MNT: variants seen among roughly 807,000 people sequenced by gnomAD.
MNT encodes MAX network transcriptional repressor.
In MNT, 13 loss-of-function variants were observed where a neutral mutation model predicts 40.7. The observed-to-expected ratio is 0.32, with a 90% CI of 0.21 to 0.51. The LOEUF is 0.51. MNT is among the 20% of genes least tolerant of loss of function. The pLI is 0.98. For synonymous variants in MNT, 426 were observed against 354.8 expected (o/e 1.20, Z -2.26); for missense variants, 757 against 792.0 (o/e 0.96, Z 0.53).
intron 4 of MNT, among the ~76,000 whole-genome samples, chr17:2,392,497 T>C (rs2066526377): frequency 6.6e-6 from 1 of 152,234 alleles, no homozygotes; most frequent in African/African-American, 2.4e-5. Context: ...CCGTCCTTCC[T>C]ATTTCTCAAA....
At chr17:2,394,749 AGTG>A (rs2066560892) in intron 2 of MNT, 123 bp downstream of exon 2, 1 of 671,768 alleles carries the variant, frequency 1.5e-6, no homozygotes, top group Non-Finnish European at 2.6e-6. Context: ...ACATGGGCAC[AGTG>A]ATGACGTGTT....
chr17:2,392,456 AAGT>A (rs2066525522), intron 4 of MNT, among the ~76,000 whole-genome samples: 1 of 152,202 alleles, frequency 6.6e-6, no homozygotes, highest in Admixed American at 6.5e-5. Context: ...CGCCCTCTGC[AAGT>A]AGTATCTGCA....
intron 2 of MNT, 116 bp downstream of exon 2, chr17:2,394,759 T>C (rs2066560970): frequency 1.0e-5 from 7 of 700,826 alleles, no homozygotes; most frequent in Admixed American, 9.7e-5. Flanking sequence ...AGTGATGACG[T>C]GTTCAAATAC....
At chr17:2,395,694 A>T (rs1450279242) in intron 1 of MNT, among the ~76,000 whole-genome samples, 1 of 152,044 alleles carries the variant, frequency 6.6e-6, no homozygotes, top group Non-Finnish European at 1.5e-5. Context: ...ACGGGGGCTG[A>T]CAGTCACGGG....
At chr17:2,394,418 C>T in intron 2 of MNT, 72 bp from the exon 3 acceptor site, 1 of 1,604,388 alleles carries the variant, frequency 6.2e-7, no homozygotes, top group Non-Finnish European at 8.5e-7. Context: ...AGCGCCGCCA[C>T]CCGCAAAATT....
chr17:2,386,656 G>A lies in MNT; in HGVS notation c.*245C>T, dbSNP rs1269922192. 5 of 448,968 alleles carry A rather than the reference G, an allele frequency of 1.1e-5. No individual in the cohort carries two copies. The highest frequency in any genetic ancestry group is 5.4e-5 in the South Asian group (1 of 18,478). The allele number at this position is 448,968 out of a possible 1,614,324, so 27.8% of individuals were successfully genotyped here. On this transcript the variant is annotated 3_prime_UTR_variant, in exon 6 of 6. Transcript: ENST00000174618. ...GCGGCACTGGAGCTGGCACTGGGCC[G>A]GACAGGTGGCACATTCCATCAGAGT...
In MNT at chr17:2,387,292, T is replaced by C. The variant is rs1406716334; in HGVS notation, c.1358A>G (p.Gln453Arg). 1 of 1,613,298 alleles carries C rather than the reference T, an allele frequency of 6.2e-7. No individual in the cohort carries two copies. Among genetic ancestry groups the C allele is most frequent in the East Asian group, 2.2e-5 (1 of 44,870 alleles). ...HTATTHASVIQTVNHVLQGPG... is the reference protein window; with the variant it reads ...HTATTHASVIRTVNHVLQGPG... ...CCCCTGCAGAACGTGGTTCACAGTC[T>C]GGATGACTGAAGCGTGAGTGGTGGC... The change falls in exon 6 of 6, where the codon CAG becomes CGG. Residue 453 changes from glutamine to arginine, a missense_variant. Gln to Arg is a conservative substitution (Grantham distance 43). Transcript: ENST00000174618.
At chr17:2,394,815 C>T in intron 2 of MNT, 60 bp downstream of exon 2, 1 of 1,294,808 alleles carries the variant, frequency 7.7e-7, no homozygotes, top group Non-Finnish European at 1.1e-6. Context: ...TTGCACACAG[C>T]CCGGGGGATG....
Position 2,394,172 on chromosome 17 carries a change from C to A in MNT, c.696-18G>T. The stretch of plus-strand genomic sequence containing the variant: ...GGGCCCTCCTGAAGAGAGGGGCGAG[C>A]GCCGGTCAGCGGTGCCTGGGGCGGG... On this transcript the variant is annotated intron_variant, in intron 3 of 5. Transcript: ENST00000174618. 1 of 1,602,486 alleles carries A rather than the reference C, an allele frequency of 6.2e-7. No homozygotes were observed. Among genetic ancestry groups the A allele is most frequent in the Non-Finnish European group, 8.5e-7 (1 of 1,175,138 alleles).
At position 2,395,356 on chromosome 17, in the gene MNT, G is replaced by T. The variant is rs766943479; in HGVS notation, c.172C>A (p.Pro58Thr). 3 of 1,613,140 alleles carry T rather than the reference G, an allele frequency of 1.9e-6. No individual in the cohort carries two copies. Among genetic ancestry groups the T allele is most frequent in the South Asian group, 1.1e-5 (1 of 91,076 alleles). ...GGCAGGGGTGGCGCCTCCATGCGGG[G>T]TTCCTCCACAGGAAGGGTATGTGCC... is the stretch of plus-strand genomic sequence containing the variant. ...RLAHTLPVEE[P>T]RMEAPPLPLS... is the part of the protein sequence containing the mutation. The change falls in exon 2 of 6, where the codon CCC becomes ACC. Residue 58 changes from proline (P) to threonine (T), a missense_variant. Physicochemically the swap from Pro to Thr is conservative, Grantham distance 38. This residue lies in a region of MNT where 335 missense variants were observed against 291.4 expected (regional missense o/e 1.15). Transcript: ENST00000174618.
In MNT at chr17:2,387,054, C is replaced by T. The variant is rs773895281; in HGVS notation, c.1596G>A (p.Thr532=). 12 of 1,558,156 alleles carry T rather than the reference C, an allele frequency of 7.7e-6. No individual in the cohort carries two copies. The highest frequency in any genetic ancestry group is 3.8e-4 in the Middle Eastern group (2 of 5,196). The change falls in exon 6 of 6, where the codon ACG becomes ACA. Residue 532 remains threonine (T), a synonymous_variant. Coordinates refer to ENST00000174618, the MANE Select transcript of MNT (RefSeq NM_020310.3). Reference sequence around the variant, plus strand: ...CAGTAGCCGGGGGCCCCAGGCCGGCCGTGCCGTTGACTTGCTGGTGCGAGA... The same window carrying T: ...CAGTAGCCGGGGGCCCCAGGCCGGCTGTGCCGTTGACTTGCTGGTGCGAGA... ...HTLSHQQVNG[T]AGLGPPATVM... is the part of the protein sequence containing the mutation.
rs768329579 is a variant in MNT at position 2,395,401 on chromosome 17, CCTT to C, written c.124_126del (p.Lys42del). Reference sequence around the variant, plus strand: ...TGTGCCAGCCTGGCCAGGCTATTGGCCTTCTTCTGTTCCTGCTCTCGCTCCTGC... The same window carrying C: ...TGTGCCAGCCTGGCCAGGCTATTGGCCTTCTGTTCCTGCTCTCGCTCCTGC... On this transcript the variant is annotated inframe_deletion, in exon 2 of 6. Transcript: ENST00000174618. The C allele has an allele frequency of 3.6e-5, 58 of 1,613,502 alleles. No individual in the cohort carries two copies. The Middle Eastern group carries it at 1.2e-3, about 32-fold the overall frequency.
rs1206479282 is a variant in MNT at position 2,387,481 on chromosome 17, G to A, written c.1169C>T (p.Ala390Val). The A allele has an allele frequency of 1.2e-6, 2 of 1,612,154 alleles. No individual in the cohort carries two copies. Among genetic ancestry groups the A allele is most frequent in the Non-Finnish European group, 1.7e-6 (2 of 1,179,302 alleles). ...CACGGGGAGGTGGGCAGGAGGTAGGGCCACGGAGTGGGGGTGAGGGTGTGG... is the reference window on the plus strand; with the variant it reads ...CACGGGGAGGTGGGCAGGAGGTAGGACCACGGAGTGGGGGTGAGGGTGTGG... Reference protein sequence around the residue: ...PHPHPHPHSVALPPAHLPVQQ... With the variant: ...PHPHPHPHSVVLPPAHLPVQQ... Residue 390 changes from alanine to valine, a missense_variant, in exon 6 of 6, where the codon GCC (alanine) becomes GTC (valine). Physicochemically the swap from Ala to Val is moderately conservative, Grantham distance 64 (BLOSUM62 0). This residue lies in a region of MNT where 345 missense variants were observed against 380.1 expected (regional missense o/e 0.91). Coordinates refer to ENST00000174618, the MANE Select transcript of MNT (RefSeq NM_020310.3).
intron 4 of MNT, among the ~76,000 whole-genome samples, chr17:2,392,381 C>T (rs2066524576): frequency 6.6e-6 from 1 of 152,232 alleles, no homozygotes; most frequent in South Asian, 2.1e-4. Context: ...TCCTCAAGAG[C>T]TTCCTTCTGC....
chr17:2,394,498 G>C, intron 2 of MNT, 152 bp from the exon 3 acceptor site: 1 of 1,144,806 alleles, frequency 8.7e-7, no homozygotes. Flanking sequence ...GCCATGCTGC[G>C]CCCACCCCCT....
chr17:2,400,388 A>C, intron 1 of MNT: 6 of 398,212 alleles, frequency 1.5e-5, no homozygotes, highest in Non-Finnish European at 2.3e-5. Flanking sequence ...CAGAAGGGGC[A>C]CAGGGGTGCC....
In MNT at chr17:2,393,970, G is replaced by GGGCGC. The variant is rs2066550447; in HGVS notation, c.807+68_807+72dup. 6 of 1,050,132 alleles carry GGGCGC rather than the reference G, an allele frequency of 5.7e-6. No homozygotes were observed. In the South Asian group the frequency reaches 7.6e-5, roughly 13 times the overall value. The allele number at this position is 1,050,132 out of a possible 1,614,324, so 65.1% of individuals were successfully genotyped here. ...GCCGCCGGGGCGTGAGGGCGGGGCG[G>GGGCGC]GGCGCGGCCGGGGGAGGGGCGGCGG... On this transcript the variant is annotated intron_variant, in intron 4 of 5. Coordinates refer to ENST00000174618, the MANE Select transcript of MNT (RefSeq NM_020310.3).
chr17:2,393,747 A>C, intron 4 of MNT: 2 of 165,640 alleles, frequency 1.2e-5, no homozygotes, highest in Non-Finnish European at 2.6e-5. Context: ...GGGAGCCGCC[A>C]TCGGGACTCG....
At chr17:2,394,188 C>G in intron 3 of MNT, 34 bp from the exon 4 acceptor site, 1 of 1,549,122 alleles carries the variant, frequency 6.5e-7, no homozygotes, top group Non-Finnish European at 8.8e-7. Flanking sequence ...TCAGCGGTGC[C>G]TGGGGCGGGG....
Sources: gnomAD v4.1 joint callset for allele counts (sites outside exome capture counted in the v4.1 genomes callset) on GRCh38, gnomAD v4.1.1 for gene constraint, gnomAD v4.1.1 regional missense constraint, MANE v1.5 for transcripts, NCBI Gene and HGNC (gene_info 2026-07-23, HGNC 2026-07-21) for gene names.